The following SYTL3 variants were observed in gnomAD, a reference collection of about 807,000 sequenced individuals.
The protein encoded by SYTL3 is synaptotagmin-like protein 3.
A neutral mutation model predicts 82.1 loss-of-function variants in SYTL3; 88 were observed. That is an observed-to-expected ratio of 1.07 (90% CI 0.90 to 1.28). SYTL3 has a LOEUF of 1.28. Ranked by LOEUF, SYTL3 falls within the 50% of genes most tolerant of loss-of-function variation. SYTL3 has a pLI of 0.00. For missense variants in SYTL3, 831 were observed against 757.6 expected (o/e 1.10, Z -1.14); for synonymous variants, 311 against 289.4 (o/e 1.07, Z -0.76).
chr6:158,728,669 G>A (rs899580708), intron 11 of SYTL3, among the ~76,000 whole-genome samples: 12 of 152,174 alleles, frequency 7.9e-5, no homozygotes, highest in African/African-American at 2.7e-4. Context: ...GGCCGGGCGC[G>A]GTGGCTCATG....
At chr6:158,645,430 T>C (rs2128339015), upstream of SYTL3, among the ~76,000 whole-genome samples, 1 of 152,310 alleles carries the variant, frequency 6.6e-6, no homozygotes, top group South Asian at 2.1e-4. Context: ...CTGGGGCATA[T>C]GCATCTATTG....
chr6:158,655,262 T>G (rs1453896716), intron 2 of SYTL3, among the ~76,000 whole-genome samples: 1 of 152,248 alleles, frequency 6.6e-6, no homozygotes, highest in Non-Finnish European at 1.5e-5. Flanking sequence ...CAGTGAGGAC[T>G]CACTTGCCCC....
At chr6:158,727,480 C>G (rs78112425) in intron 11 of SYTL3, among the ~76,000 whole-genome samples, 3,017 of 152,138 alleles carry the variant, frequency 0.02, 98 homozygotes, top group African/African-American at 0.069. Context: ...CTAGAACTTT[C>G]ATTCTTCCTT....
At chr6:158,728,056 G>A (rs1406124685) in intron 11 of SYTL3, among the ~76,000 whole-genome samples, 1 of 152,170 alleles carries the variant, frequency 6.6e-6, no homozygotes, top group Admixed American at 6.5e-5. Context: ...ACATATGGGA[G>A]TAATAATAAA....
At chr6:158,693,857 T>TTTCTTTTCTTTTCTTTTC (rs1202706791) in intron 6 of SYTL3, among the ~76,000 whole-genome samples, 2 of 122,112 alleles carry the variant, frequency 1.6e-5, no homozygotes, top group South Asian at 4.8e-4. Flanking sequence ...TTTCTTTTCT[T>TTTCTTTTCTTTTCTTTTC]TTTTTTTTTT....
Position 158,764,775 on chromosome 6 carries a change from C to T in SYTL3, c.*171C>T, listed in dbSNP as rs756261700. 1.9e-4 allele frequency: 104 copies of T among 533,834 alleles called. No homozygotes were observed. The highest frequency in any genetic ancestry group is 3.2e-4 in the Non-Finnish European group (96 of 296,820). 33.1% of individuals were successfully genotyped at this position (533,834 alleles called of 1,614,324 possible). On this transcript the variant is annotated 3_prime_UTR_variant, in exon 18 of 18. Transcript: ENST00000611299. ...GCCTATTGGTATCTGTGTATATTTACGTTAAACACAATTATGTTACCTAAG... is the reference window on the plus strand; with the variant it reads ...GCCTATTGGTATCTGTGTATATTTATGTTAAACACAATTATGTTACCTAAG...
At position 158,682,854 on chromosome 6, in the gene SYTL3, C is replaced by T; in HGVS notation, c.330-71C>T. 4 of 1,229,066 alleles carry T rather than the reference C, an allele frequency of 3.3e-6. No homozygotes were observed. In the South Asian group the frequency reaches 5.0e-5, roughly 15 times the overall value. The allele number at this position is 1,229,066 out of a possible 1,614,324, so 76.1% of individuals were successfully genotyped here. On this transcript the variant is annotated intron_variant, in intron 5 of 17. Transcript: ENST00000611299. Reference sequence around the variant, plus strand: ...TAATATTTTGTGACCTTACCTAACCCTTAAAAGGGGTAAATATAGCACTAT... The same window carrying T: ...TAATATTTTGTGACCTTACCTAACCTTTAAAAGGGGTAAATATAGCACTAT...
intron 12 of SYTL3, among the ~76,000 whole-genome samples, chr6:158,746,032 A>C (rs1341302836): frequency 6.6e-6 from 1 of 152,130 alleles, no homozygotes; most frequent in Admixed American, 6.5e-5. Flanking sequence ...GTGCTGGTAG[A>C]TTTGGTATCT....
At chr6:158,731,309 A>G (rs1562436577) in intron 11 of SYTL3, among the ~76,000 whole-genome samples, 1 of 151,828 alleles carries the variant, frequency 6.6e-6, no homozygotes, top group Non-Finnish European at 1.5e-5. Context: ...AAAAAAACTA[A>G]AAGTCTTTTA....
chr6:158,723,878 A>T (rs541248977), intron 10 of SYTL3, among the ~76,000 whole-genome samples: 2 of 152,276 alleles, frequency 1.3e-5, no homozygotes, highest in South Asian at 4.1e-4. Flanking sequence ...CCCTCAGACA[A>T]CATCACACAT....
intron 8 of SYTL3, among the ~76,000 whole-genome samples, chr6:158,713,537 C>G (rs944418399): frequency 6.6e-6 from 1 of 152,132 alleles, no homozygotes; most frequent in Non-Finnish European, 1.5e-5. Flanking sequence ...TGTCAACAAC[C>G]CGCTGATAAT....
At chr6:158,659,120 G>C (rs1789055579) in intron 2 of SYTL3, among the ~76,000 whole-genome samples, 1 of 152,294 alleles carries the variant, frequency 6.6e-6, no homozygotes, top group South Asian at 2.1e-4. Context: ...ACAATGATGG[G>C]ATGAATGCGG....
upstream of SYTL3, among the ~76,000 whole-genome samples, chr6:158,648,155 T>G (rs189302191): frequency 3.4e-4 from 52 of 152,054 alleles, no homozygotes; most frequent in East Asian, 9.3e-3. Flanking sequence ...TAGCCAGGCA[T>G]GGTGGTGCAT....
At position 158,745,663 on chromosome 6, in the gene SYTL3, G is replaced by GTTGT. The variant is rs1272264086; in HGVS notation, c.1034+8_1034+11dup. The GTTGT allele has an allele frequency of 1.3e-6, 2 of 1,575,148 alleles. No homozygotes were observed. The highest frequency in any genetic ancestry group is 2.4e-5 in the South Asian group (2 of 85,066). ...AAAGAAGAAAAAGTGCAATCCGTAAGTTGTTTTTTTTAAGTTTAACATGAG... is the reference window on the plus strand; with the variant it reads ...AAAGAAGAAAAAGTGCAATCCGTAAGTTGTTTGTTTTTTTTAAGTTTAACATGAG... On this transcript the variant is annotated splice_donor_region_variant and intron_variant, in intron 12 of 17. Coordinates refer to ENST00000611299, the MANE Select transcript of SYTL3 (RefSeq NM_001242394.2).
intron 10 of SYTL3, among the ~76,000 whole-genome samples, chr6:158,722,422 G>A (rs183354244): frequency 2.0e-5 from 3 of 152,130 alleles, no homozygotes; most frequent in Admixed American, 1.3e-4. Flanking sequence ...TTAAAATCAC[G>A]CGGTGACTCG....
At chr6:158,699,745 C>T (rs1343860250) in intron 6 of SYTL3, among the ~76,000 whole-genome samples, 6 of 151,500 alleles carry the variant, frequency 4.0e-5, no homozygotes, top group East Asian at 1.9e-4. Context: ...TTCAGGAGTT[C>T]GAGACCACCT....
rs779964728 is a variant in SYTL3 at position 158,758,722 on chromosome 6, C to A, written c.1308+1341C>A. Among the ~76,000 whole-genome samples the A allele has an allele frequency of 4.1e-4, 63 of 152,270 alleles. 2 individuals are homozygous for A. In the Middle Eastern group the frequency reaches 0.02, roughly 49 times the overall value. On this transcript the variant is annotated intron_variant, in intron 14 of 17. Coordinates refer to ENST00000611299, the MANE Select transcript of SYTL3 (RefSeq NM_001242394.2). ...CCCAAGCTAGAGTCCGGGCTTAGAC[C>A]TCCCCTTCCCAGTGCCTACCTGGAA...
intron 11 of SYTL3, among the ~76,000 whole-genome samples, chr6:158,740,370 A>G (rs1321107525): frequency 3.3e-5 from 5 of 151,982 alleles, no homozygotes; most frequent in African/African-American, 9.7e-5. Flanking sequence ...ATTCTTTATT[A>G]TATATTCTGG....
intron 7 of SYTL3, 62 bp from the exon 8 acceptor site, chr6:158,708,260 T>A (rs1782334999): frequency 2.2e-6 from 3 of 1,378,280 alleles, no homozygotes; most frequent in Non-Finnish European, 3.1e-6. Flanking sequence ...TTTGTGTATT[T>A]GTAAAACTAA....
Sources: gnomAD v4.1 joint callset for allele counts (sites outside exome capture counted in the v4.1 genomes callset) on GRCh38, gnomAD v4.1.1 for gene constraint, MANE v1.5 for transcripts, NCBI Gene and HGNC (gene_info 2026-07-23, HGNC 2026-07-21) for gene names.